The following DNAH12 variants were observed in gnomAD, a reference collection of about 807,000 sequenced individuals.
The protein encoded by DNAH12 is axonemal beta dynein heavy chain 12.
In DNAH12, 285 loss-of-function variants were observed where a neutral mutation model predicts 371.5. The observed-to-expected ratio is 0.77, with a 90% CI of 0.70 to 0.85. The LOEUF (loss-of-function observed/expected upper bound fraction) is 0.85. DNAH12 is among the 40% of genes least tolerant of loss of function. The pLI, the probability that DNAH12 is intolerant of heterozygous loss-of-function variation, is 0.00. For synonymous variants in DNAH12, 1,200 were observed against 1,213.0 expected, an observed-to-expected ratio of 0.99 and a Z score of 0.22; for missense variants, 3,611 against 3,689.4, an observed-to-expected ratio of 0.98 and a Z score of 0.55.
intron 58 of DNAH12, among the ~76,000 whole-genome samples, chr3:57,358,640 A>G (rs1414455057): frequency 6.6e-6 from 1 of 152,226 alleles, no homozygotes; most frequent in Non-Finnish European, 1.5e-5. Flanking sequence ...AAACAAAGTT[A>G]TCGACAATGG....
the DNAH12 span, among the ~76,000 whole-genome samples, chr3:57,554,539 C>T: frequency 6.6e-6 from 1 of 152,086 alleles, no homozygotes; most frequent in South Asian, 2.1e-4. Flanking sequence ...TGCTACTCTC[C>T]CCTGGTCTCA....
chr3:57,300,871 C>A lies in DNAH12; in HGVS notation c.11394+864G>T, dbSNP rs145667555. 6.0e-3 allele frequency among the ~76,000 whole-genome samples: 906 copies of A among 151,764 alleles called. 8 individuals carry two copies. Among genetic ancestry groups the A allele is most frequent in the African/African-American group, 0.021 (876 of 41,346 alleles). ...ACATCAACCATAGAATGGGGGCAGG[C>A]AGTGGAGTTGAGAAGGAAAAGCAGT... On this transcript the variant is annotated intron_variant, in intron 70 of 73. Transcript: ENST00000495027.
At chr3:57,509,092 C>G (rs1229053440) in intron 6 of DNAH12, 48 bp downstream of exon 6, 1 of 1,469,494 alleles carries the variant, frequency 6.8e-7, no homozygotes, top group Non-Finnish European at 9.4e-7. Context: ...TATTTTTTAT[C>G]TATATCAAAA....
In DNAH12 at chr3:57,310,806, C is replaced by T. The variant is rs1471001608; in HGVS notation, c.10807G>A (p.Val3603Ile). The change falls in exon 67 of 74, where the codon GTT becomes ATT. Residue 3603 changes from valine (V) to isoleucine (I), a missense_variant. By Grantham distance (29) the Val-to-Ile change is conservative (BLOSUM62 3). Around this residue, in one of 3 missense-constraint regions of DNAH12, gnomAD observed 2,266 missense variants for 2,236.9 expected, o/e 1.01. Coordinates refer to ENST00000495027, the MANE Select transcript of DNAH12 (RefSeq NM_001366028.2). ...GAAAACTTATAATGAGGGTTTTCAA[C>T]TATGTACAGATTATAAAAGTCAGCC... ...MLADFYNLYI[V>I]ENPHYKFSPS... 1 of 1,551,496 alleles carries T rather than the reference C, an allele frequency of 6.4e-7. No homozygotes were observed. Among genetic ancestry groups the T allele is most frequent in the African/African-American group, 1.4e-5 (1 of 73,036 alleles).
At position 57,332,730 on chromosome 3, in the gene DNAH12, G is replaced by A. The variant is rs530404762; in HGVS notation, c.9978+1735C>T. On this transcript the variant is annotated intron_variant, in intron 62 of 73. Coordinates refer to ENST00000495027, the MANE Select transcript of DNAH12 (RefSeq NM_001366028.2). ...CTGAATCCTTGCTGAACACTATGGT[G>A]TGTATGCATGAGACCAAGAAAAGAG... Among the ~76,000 whole-genome samples, 3 of 152,300 alleles carry A rather than the reference G, an allele frequency of 2.0e-5. No homozygotes were observed. The East Asian group carries it at 5.8e-4, about 29-fold the overall frequency.
chr3:57,393,202 G>C (rs2063661817), intron 44 of DNAH12, among the ~76,000 whole-genome samples: 1 of 152,184 alleles, frequency 6.6e-6, no homozygotes, highest in East Asian at 1.9e-4. Flanking sequence ...GTACTTGAAA[G>C]TGTGAGTCCT....
chr3:57,317,766 C>T (rs776492972), intron 65 of DNAH12, among the ~76,000 whole-genome samples: 11 of 152,122 alleles, frequency 7.2e-5, no homozygotes, highest in Non-Finnish European at 1.0e-4. Context: ...TTAATGGCTG[C>T]ACCACTTTGC....
intron 65 of DNAH12, 29 bp downstream of exon 65, chr3:57,322,314 T>A (rs777681458): frequency 1.3e-6 from 2 of 1,534,172 alleles, no homozygotes; most frequent in Admixed American, 4.2e-5. Flanking sequence ...ATAAAACACA[T>A]TTTAAAAGTT....
At chr3:57,525,881 C>T (rs1237853196) in intron 2 of DNAH12, among the ~76,000 whole-genome samples, 1 of 150,054 alleles carries the variant, frequency 6.7e-6, no homozygotes, top group African/African-American at 2.5e-5. Context: ...CCTGCCTCAG[C>T]CTCCCAAGTA....
chr3:57,507,979 G>C, intron 7 of DNAH12, 141 bp from the exon 8 acceptor site: 1 of 703,222 alleles, frequency 1.4e-6, no homozygotes, highest in Non-Finnish European at 2.2e-6. Context: ...ACGAGGTCAG[G>C]AGTTCAAGAC....
chr3:57,546,120 T>C (rs569589107), upstream of DNAH12, among the ~76,000 whole-genome samples: 3 of 152,242 alleles, frequency 2.0e-5, no homozygotes, highest in Non-Finnish European at 4.4e-5. Context: ...TTTCAGCTCC[T>C]GATTAGTACC....
chr3:57,415,149 G>C (rs1329629532), intron 38 of DNAH12, among the ~76,000 whole-genome samples: 1 of 149,398 alleles, frequency 6.7e-6, no homozygotes, highest in Non-Finnish European at 1.5e-5. Context: ...GTGTGAGTGT[G>C]TGTGTGTCTT....
chr3:57,298,762 C>A (rs1295198066), intron 70 of DNAH12, among the ~76,000 whole-genome samples: 1 of 152,196 alleles, frequency 6.6e-6, no homozygotes, highest in African/African-American at 2.4e-5. Flanking sequence ...TCTTTGAAAT[C>A]CCAGAGCATT....
intron 13 of DNAH12, among the ~76,000 whole-genome samples, chr3:57,475,604 G>C (rs2066499277): frequency 6.6e-6 from 1 of 151,964 alleles, no homozygotes; most frequent in South Asian, 2.1e-4. Flanking sequence ...ATAAGGAAAA[G>C]GTACATAACC....
chr3:57,533,712 C>T (rs1194837649), intron 2 of DNAH12, among the ~76,000 whole-genome samples: 5 of 152,210 alleles, frequency 3.3e-5, no homozygotes, highest in Non-Finnish European at 5.9e-5. Context: ...TGTGACTGAG[C>T]GGGTATCCCA....
intron 55 of DNAH12, among the ~76,000 whole-genome samples, chr3:57,372,296 C>T (rs1263462891): frequency 6.6e-6 from 1 of 151,230 alleles, no homozygotes; most frequent in Admixed American, 6.6e-5. Context: ...TTTTTTAGGC[C>T]AGAAAAAGAA....
chr3:57,345,113 A>G (rs28366991), intron 60 of DNAH12, among the ~76,000 whole-genome samples: 6,392 of 152,228 alleles, frequency 0.042, 447 homozygotes, highest in African/African-American at 0.15. Context: ...TCAAGGAAAT[A>G]ATAAGAAAAA....
In DNAH12 at chr3:57,296,835, G is replaced by T; in HGVS notation, c.11532+12C>A. ...GTAATGATATACTGTTGACTTTAAG[G>T]AGTTACTATACCTCAAATTCATATC... On this transcript the variant is annotated intron_variant, in intron 71 of 73. Coordinates refer to ENST00000495027, the MANE Select transcript of DNAH12 (RefSeq NM_001366028.2). The T allele has an allele frequency of 6.4e-7, 1 of 1,551,090 alleles. No individual in the cohort carries two copies. The highest frequency in any genetic ancestry group is 8.7e-7 in the Non-Finnish European group (1 of 1,146,800).
At chr3:57,304,509 C>T (rs1033999961) in intron 69 of DNAH12, among the ~76,000 whole-genome samples, 9 of 152,202 alleles carry the variant, frequency 5.9e-5, no homozygotes, top group African/African-American at 2.2e-4. Flanking sequence ...TCTCTCTCTT[C>T]TCTCAATTTC....
Sources: gnomAD v4.1 joint callset for allele counts (sites outside exome capture counted in the v4.1 genomes callset) on GRCh38, gnomAD v4.1.1 for gene constraint, gnomAD v4.1.1 regional missense constraint, MANE v1.5 for transcripts, NCBI Gene and HGNC (gene_info 2026-07-23, HGNC 2026-07-21) for gene names.